The following MYH14 variants were observed in gnomAD, a reference collection of about 807,000 sequenced individuals.
MYH14 encodes the protein myosin heavy chain 14.
In MYH14, 123 loss-of-function variants were observed where a neutral mutation model predicts 255.5. That is an observed-to-expected ratio of 0.48 (90% CI 0.42 to 0.56). The LOEUF (loss-of-function observed/expected upper bound fraction) is 0.56, where lower values mean the gene tolerates loss of function less well. Ranked by LOEUF, MYH14 falls within the 20% of genes least tolerant of loss-of-function variation. The pLI is 0.00. For missense variants in MYH14, 2,423 were observed against 2,802.3 expected (o/e 0.86, Z 3.06); for synonymous variants, 1,095 against 1,161.2 (o/e 0.94, Z 1.16).
rs896961591 is a variant in MYH14, at chr19:50,224,236, A to G, written c.717+59A>G. 41 of 1,611,158 alleles carry G rather than the reference A, an allele frequency of 2.5e-5. No individual in the cohort carries two copies. The Middle Eastern group carries it at 6.6e-4, about 26-fold the overall frequency. On this transcript the variant is annotated intron_variant, in intron 6 of 42. Transcript: ENST00000642316. ...CCCCTAATGCCTTCCCGGCCACCCA[A>G]TGCATGATCTTCTTGGTAGACAGGG...
intron 27 of MYH14, among the ~76,000 whole-genome samples, chr19:50,275,492 G>A (rs190728066): frequency 6.6e-6 from 1 of 152,326 alleles, no homozygotes; most frequent in Admixed American, 6.5e-5. Context: ...TACGATTACT[G>A]TTGCTGTCAT....
At chr19:50,225,524 G>A in intron 6 of MYH14, 61 bp from the exon 7 acceptor site, 1 of 1,369,296 alleles carries the variant, frequency 7.3e-7, no homozygotes, top group Non-Finnish European at 1.0e-6. Flanking sequence ...CCCGAGCTGG[G>A]CTGGCCTGGC....
chr19:50,275,219 GAAC>G (rs1315817318), intron 27 of MYH14, among the ~76,000 whole-genome samples: 2 of 152,116 alleles, frequency 1.3e-5, no homozygotes, highest in Admixed American at 6.5e-5. Context: ...TGTGGCTCCT[GAAC>G]CATTAACCCC....
In MYH14 at chr19:50,281,574, CCT is replaced by C. The variant is rs1386728455; in HGVS notation, c.4291-12_4291-11del. 3 of 1,555,180 alleles carry C rather than the reference CCT, an allele frequency of 1.9e-6. No homozygotes were observed. Among genetic ancestry groups the C allele is most frequent in the Non-Finnish European group, 2.6e-6 (3 of 1,151,848 alleles). ...ACTCATGGCCGTGACCACCAACCAC[CCT>C]CTCTCTCCTCCCCTCAGCTTTCCGA... is the stretch of plus-strand genomic sequence containing the variant. On this transcript the variant is annotated intron_variant, in intron 32 of 42. Coordinates refer to ENST00000642316, the MANE Select transcript of MYH14 (RefSeq NM_001145809.2).
In MYH14 at chr19:50,293,434, A is replaced by G. The variant is rs2036155511; in HGVS notation, c.5345+113A>G. Reference sequence around the variant, plus strand: ...AGGAAACTGGGAGGTGGGCGGGGTTAACCTCGGGGCCCCTGGGGTGTGAGG... The same window carrying G: ...AGGAAACTGGGAGGTGGGCGGGGTTGACCTCGGGGCCCCTGGGGTGTGAGG... On this transcript the variant is annotated intron_variant, in intron 38 of 42. Transcript: ENST00000642316. This position sits in a 1 kb window ranked among gnomAD's most constrained non-coding sequence, Gnocchi z 4.1. 1 of 1,526,574 alleles carries G rather than the reference A, an allele frequency of 6.6e-7. No individual in the cohort carries two copies. Among genetic ancestry groups the G allele is most frequent in the Non-Finnish European group, 8.9e-7 (1 of 1,123,168 alleles). 94.6% of individuals were successfully genotyped at this position (1,526,574 alleles called of 1,614,324 possible).
rs375273439 is a variant in MYH14 at position 50,271,445 on chromosome 19, C to T, written c.3070C>T (p.Arg1024Trp). ...EAHLEAEEGA[R>W]QKLQLEKVTT... ...CCACCTTGAGGCTGAGGAGGGTGCG[C>T]GGCAGAAGCTGCAGCTGGAGAAGGT... Residue 1024 changes from arginine to tryptophan, a missense_variant, in exon 25 of 43, where the codon CGG (arginine) becomes TGG (tryptophan). Physicochemically the swap from Arg to Trp is moderately radical, Grantham distance 101 (BLOSUM62 -3). This residue lies in a region of MYH14 where 1,513 missense variants were observed against 1,674.8 expected (regional missense o/e 0.90). Coordinates refer to ENST00000642316, the MANE Select transcript of MYH14 (RefSeq NM_001145809.2). 10 of 1,606,580 alleles carry T rather than the reference C, an allele frequency of 6.2e-6. No individual in the cohort carries two copies. The African/African-American group carries it at 1.1e-4, about 17-fold the overall frequency.
chr19:50,294,380 G>A (rs560008088), intron 39 of MYH14, among the ~76,000 whole-genome samples: 2 of 151,920 alleles, frequency 1.3e-5, no homozygotes, highest in South Asian at 4.2e-4. Flanking sequence ...ACAACAGAGT[G>A]ATGGGATTTC....
chr19:50,214,532 T>C (rs771008162), intron 2 of MYH14, among the ~76,000 whole-genome samples: 1 of 152,032 alleles, frequency 6.6e-6, no homozygotes, highest in Non-Finnish European at 1.5e-5. Flanking sequence ...GGAAGATGCA[T>C]TATGTGATTT....
chr19:50,288,841 G>A (rs2035974101), intron 34 of MYH14, among the ~76,000 whole-genome samples: 1 of 152,138 alleles, frequency 6.6e-6, no homozygotes, highest in Non-Finnish European at 1.5e-5. Context: ...TCCTTGAGGA[G>A]GTGACAGTTA....
intron 8 of MYH14, among the ~76,000 whole-genome samples, chr19:50,229,631 C>T (rs1198962871): frequency 6.6e-6 from 1 of 151,970 alleles, no homozygotes; most frequent in African/African-American, 2.4e-5. Context: ...CAGAGCCAGA[C>T]CCTGTCTAAA....
At chr19:50,205,208 A>C (rs2123132260) in intron 1 of MYH14, among the ~76,000 whole-genome samples, 1 of 152,326 alleles carries the variant, frequency 6.6e-6, no homozygotes, top group Middle Eastern at 3.4e-3. Flanking sequence ...GCTGAGGCCC[A>C]GGAAGCTCCA....
intron 37 of MYH14, among the ~76,000 whole-genome samples, chr19:50,292,754 T>G (rs2036128434): frequency 1.3e-5 from 2 of 150,920 alleles, no homozygotes; most frequent in Non-Finnish European, 1.5e-5. Context: ...GTGGGGAGAT[T>G]GGAGTCACAA....
chr19:50,232,119 G>C, intron 10 of MYH14, 49 bp downstream of exon 10: 1 of 1,600,312 alleles, frequency 6.2e-7, no homozygotes, highest in Non-Finnish European at 8.5e-7. Context: ...CCCACGGAGA[G>C]CTGGGGACCT....
chr19:50,249,935 G>C lies in MYH14; in HGVS notation c.1656+112G>C, dbSNP rs539674394. On this transcript the variant is annotated intron_variant, in intron 14 of 42. Transcript: ENST00000642316. ...TGCTGGGCCTCAGGATGCCCCATGG[G>C]TTCTGTGGGGAAGGTGACAGCACCT... The C allele has an allele frequency of 2.2e-5, 29 of 1,333,852 alleles. No homozygotes were observed. The South Asian group carries it at 3.9e-4, about 18-fold the overall frequency. 82.6% of individuals were successfully genotyped at this position (1,333,852 alleles called of 1,614,324 possible). A position where few individuals can be genotyped will look rare whatever the true frequency, so the allele number is the denominator to read the frequency against.
At chr19:50,289,775 A>G (rs2036009794) in intron 35 of MYH14, 127 bp downstream of exon 35, 2 of 803,794 alleles carry the variant, frequency 2.5e-6, no homozygotes, top group Non-Finnish European at 4.0e-6. Flanking sequence ...CCACCCGCCG[A>G]CCACTCAGTA....
chr19:50,223,301 C>T lies in MYH14; in HGVS notation c.645C>T (p.Leu215=), dbSNP rs778549504. ...ACACCAAGAAGGTCATCCAGTACCTCGCCCACGTGGCGTCGTCTCCAAAGG... is the reference window on the plus strand; with the variant it reads ...ACACCAAGAAGGTCATCCAGTACCTTGCCCACGTGGCGTCGTCTCCAAAGG... ...TENTKKVIQY[L]AHVASSPKGR... The change falls in exon 5 of 43, where the codon CTC becomes CTT. Residue 215 remains leucine (L), a synonymous_variant. Coordinates refer to ENST00000642316, the MANE Select transcript of MYH14 (RefSeq NM_001145809.2). The T allele has an allele frequency of 1.2e-5, 19 of 1,603,582 alleles. No individual in the cohort carries two copies. The highest frequency in any genetic ancestry group is 1.4e-5 in the Non-Finnish European group (17 of 1,174,924).
intron 24 of MYH14, among the ~76,000 whole-genome samples, chr19:50,270,589 A>G (rs1423304713): frequency 6.6e-6 from 1 of 151,778 alleles, no homozygotes; most frequent in Non-Finnish European, 1.5e-5. Context: ...AAAAAATAAA[A>G]TTGAGTCTTG....
At chr19:50,239,575 T>G (rs1328335047) in intron 10 of MYH14, among the ~76,000 whole-genome samples, 4 of 151,380 alleles carry the variant, frequency 2.6e-5, no homozygotes, top group Admixed American at 6.6e-5. Flanking sequence ...TTTGAGACAG[T>G]GTCTCACTCT....
chr19:50,286,660 C>T lies in MYH14; in HGVS notation c.4718C>T (p.Ala1573Val). Residue 1573 changes from alanine (A) to valine (V), a missense_variant, in exon 34 of 43, where the codon GCA becomes GTA. Ala to Val is a moderately conservative substitution (Grantham distance 64). This residue lies in a region of MYH14 where 1,513 missense variants were observed against 1,674.8 expected (regional missense o/e 0.90). Coordinates refer to ENST00000642316, the MANE Select transcript of MYH14 (RefSeq NM_001145809.2). ...QNRALRAELE[A>V]LLSSKDDVGK... ...CGGGCCCTGCGGGCTGAGCTGGAGGCACTGCTGAGCAGCAAGGATGACGTC... is the reference window on the plus strand; with the variant it reads ...CGGGCCCTGCGGGCTGAGCTGGAGGTACTGCTGAGCAGCAAGGATGACGTC... 2 of 1,583,442 alleles carry T rather than the reference C, an allele frequency of 1.3e-6. No homozygotes were observed. The highest frequency in any genetic ancestry group is 1.7e-6 in the Non-Finnish European group (2 of 1,165,794).
Sources: gnomAD v4.1 joint callset for allele counts (sites outside exome capture counted in the v4.1 genomes callset) on GRCh38, gnomAD v4.1.1 for gene constraint, gnomAD v4.1.1 regional missense constraint, Gnocchi (gnomAD v3.1) non-coding constraint, MANE v1.5 for transcripts, NCBI Gene and HGNC (gene_info 2026-07-23, HGNC 2026-07-21) for gene names.